Variants in GALNT2 observed in about 807,000 individuals in gnomAD.
The protein encoded by GALNT2 is UDP-GalNAc:polypeptide N-acetylgalactosaminyltransferase 2.
GALNT2 carries 31 observed loss-of-function variants against 81.4 expected under a neutral mutation model. That is an observed-to-expected ratio of 0.38 (90% CI 0.29 to 0.51). The LOEUF (loss-of-function observed/expected upper bound fraction) is 0.51, where lower values mean the gene tolerates loss of function less well. Ranked by LOEUF, GALNT2 falls within the 20% of genes least tolerant of loss-of-function variation. The probability of loss-of-function intolerance (pLI) is 0.87; values close to 1 mark genes in which losing one functional copy is unlikely to be tolerated. For missense variants in GALNT2, 629 were observed against 765.7 expected, an observed-to-expected ratio of 0.82 and a Z score of 2.11; for synonymous variants, 303 against 287.4, an observed-to-expected ratio of 1.05 and a Z score of -0.55.
chr1:230,127,526 G>C (rs1178182336), intron 1 of GALNT2, among the ~76,000 whole-genome samples: 14 of 150,720 alleles, frequency 9.3e-5, no homozygotes, highest in African/African-American at 3.2e-4. Context: ...CAGGCATGCG[G>C]CACCATGCGC....
In GALNT2 at chr1:230,279,494, A is replaced by G; in HGVS notation, c.*36A>G. 1 of 1,600,426 alleles carries G rather than the reference A, an allele frequency of 6.2e-7. No individual in the cohort carries two copies. Among genetic ancestry groups the G allele is most frequent in the Non-Finnish European group, 8.5e-7 (1 of 1,172,094 alleles). ...GAGGCCCTGCCGTCCTGTCTCCTGC[A>G]CCATTGGGTGGAGTCTGGTGATCAC... On this transcript the variant is annotated 3_prime_UTR_variant, in exon 16 of 16. Coordinates refer to ENST00000366672, the MANE Select transcript of GALNT2 (RefSeq NM_004481.5). This position sits in a 1 kb window ranked among gnomAD's most constrained non-coding sequence, Gnocchi z 4.6.
At chr1:230,251,523 G>A (rs555425303) in intron 10 of GALNT2, among the ~76,000 whole-genome samples, 1 of 152,236 alleles carries the variant, frequency 6.6e-6, no homozygotes, top group South Asian at 2.1e-4. Context: ...CTTTAGGCTC[G>A]ATTACTATAC....
At chr1:230,225,562 G>C (rs1664680880) in intron 3 of GALNT2, among the ~76,000 whole-genome samples, 1 of 151,938 alleles carries the variant, frequency 6.6e-6, no homozygotes, top group Admixed American at 6.6e-5. Context: ...TCATAGTCAT[G>C]GTAGACTTTG....
chr1:230,163,352 G>A (rs2102849200), intron 1 of GALNT2, among the ~76,000 whole-genome samples: 1 of 152,354 alleles, frequency 6.6e-6, no homozygotes, highest in East Asian at 1.9e-4. Context: ...GTGGAAAGAT[G>A]AGCAGTGACT....
chr1:230,250,469 T>C lies in GALNT2; in HGVS notation c.918T>C (p.Ile306=), dbSNP rs551774367. The C allele has an allele frequency of 2.6e-5, 42 of 1,613,918 alleles. 1 individual carries two copies. In the South Asian group the frequency reaches 3.8e-4, roughly 15 times the overall value. ...TCTGCCTCTTTAGAACCCCCATGAT[T>C]GCTGGTGGGCTGTTTGTGATGGATA... ...NPVAPIKTPM[I]AGGLFVMDKF... The change falls in exon 10 of 16, where the codon ATT becomes ATC. Residue 306 remains isoleucine (I), a synonymous_variant. Transcript: ENST00000366672.
At chr1:230,149,892 C>G (rs1337224605) in intron 1 of GALNT2, among the ~76,000 whole-genome samples, 1 of 152,174 alleles carries the variant, frequency 6.6e-6, no homozygotes, top group African/African-American at 2.4e-5. Context: ...CGAATTGTTT[C>G]AGCAGGGCTT....
intron 8 of GALNT2, among the ~76,000 whole-genome samples, chr1:230,248,267 GC>G (rs1261271626): frequency 6.6e-6 from 1 of 152,234 alleles, no homozygotes; most frequent in Admixed American, 6.5e-5. Context: ...CATTGCAAAA[GC>G]CCTGTTGACA....
intron 1 of GALNT2, among the ~76,000 whole-genome samples, chr1:230,073,838 C>T (rs943796800): frequency 7.9e-5 from 12 of 152,162 alleles, no homozygotes; most frequent in African/African-American, 2.4e-4. Flanking sequence ...TCCCTTCTGC[C>T]GCAGCCTTCC....
chr1:230,154,521 C>T (rs989427953), intron 1 of GALNT2, among the ~76,000 whole-genome samples: 1 of 152,206 alleles, frequency 6.6e-6, no homozygotes, highest in Non-Finnish European at 1.5e-5. Context: ...CCCTAACCCC[C>T]AGGACCTCAG....
intron 1 of GALNT2, among the ~76,000 whole-genome samples, chr1:230,113,471 A>C (rs532141718): frequency 2.0e-5 from 3 of 152,152 alleles, no homozygotes; most frequent in Non-Finnish European, 2.9e-5. Flanking sequence ...GTAGAGGTGG[A>C]TAAGAAGAAG....
chr1:230,088,962 T>A (rs1035093396), intron 1 of GALNT2, among the ~76,000 whole-genome samples: 2 of 152,216 alleles, frequency 1.3e-5, no homozygotes, highest in African/African-American at 4.8e-5. Flanking sequence ...GTCTGTGGAT[T>A]TATCCATTCT....
intron 1 of GALNT2, among the ~76,000 whole-genome samples, chr1:230,102,048 C>G (rs1160482088): frequency 6.6e-6 from 1 of 152,192 alleles, no homozygotes; most frequent in Non-Finnish European, 1.5e-5. Flanking sequence ...CTTGGGGAGC[C>G]TTCTGCATTG....
intron 14 of GALNT2, 101 bp downstream of exon 14, chr1:230,265,468 T>C: frequency 1.3e-6 from 2 of 1,519,218 alleles, no homozygotes; most frequent in South Asian, 2.4e-5. Context: ...TCTCCTGGGA[T>C]GGGTGATGTC....
intron 1 of GALNT2, among the ~76,000 whole-genome samples, chr1:230,083,464 A>G (rs1275212163): frequency 4.4e-5 from 6 of 137,040 alleles, no homozygotes; most frequent in Non-Finnish European, 7.9e-5. Context: ...GTTGGAGCAG[A>G]CAGTTGGGAT....
At chr1:230,176,909 C>T (rs761000369) in intron 1 of GALNT2, among the ~76,000 whole-genome samples, 5 of 152,266 alleles carry the variant, frequency 3.3e-5, no homozygotes, top group Admixed American at 6.5e-5. Flanking sequence ...GGGCTTGGAC[C>T]CCCGGCTGCA....
At chr1:230,059,926 C>T (rs191287231) in intron 1 of GALNT2, among the ~76,000 whole-genome samples, 1 of 152,264 alleles carries the variant, frequency 6.6e-6, no homozygotes, top group Admixed American at 6.5e-5. Flanking sequence ...AACTATAGTA[C>T]AGTTAGCAAA....
At chr1:230,248,548 T>C (rs1422484473) in intron 8 of GALNT2, among the ~76,000 whole-genome samples, 1 of 152,224 alleles carries the variant, frequency 6.6e-6, no homozygotes, top group Non-Finnish European at 1.5e-5. Context: ...TAGGCTCTTC[T>C]ATCCTCAGGG....
rs1316455 is a variant in GALNT2 at position 230,142,419 on chromosome 1, C to T, written c.127-35799C>T. On this transcript the variant is annotated intron_variant, in intron 1 of 15. Coordinates refer to ENST00000366672, the MANE Select transcript of GALNT2 (RefSeq NM_004481.5). ...ATGCTCAGAGGCTGTATGGTGAAGT[C>T]GTTAAGGGCCCGGGCTTATATCCAG... Among the ~76,000 whole-genome samples the T allele has an allele frequency of 6.0e-4, 91 of 152,188 alleles. 1 individual carries two copies. In the East Asian group the frequency reaches 0.013, roughly 22 times the overall value.
intron 1 of GALNT2, among the ~76,000 whole-genome samples, chr1:230,104,690 A>G (rs1558085388): frequency 6.6e-6 from 1 of 152,182 alleles, no homozygotes; most frequent in Admixed American, 6.5e-5. Flanking sequence ...CAAAATGTAA[A>G]TGACATTTGC....
Sources: gnomAD v4.1 joint callset for allele counts (sites outside exome capture counted in the v4.1 genomes callset) on GRCh38, gnomAD v4.1.1 for gene constraint, Gnocchi (gnomAD v3.1) non-coding constraint, MANE v1.5 for transcripts, NCBI Gene and HGNC (gene_info 2026-07-23, HGNC 2026-07-21) for gene names.